Variants in ANKRD10 observed in about 807,000 individuals in gnomAD.
The protein encoded by ANKRD10 is ankyrin repeat domain 10, also known as ankyrin repeat domain-containing protein 10.
Under a neutral mutation model 27.0 loss-of-function variants are expected in ANKRD10, and 14 were observed. The observed-to-expected ratio is 0.52, with a 90% CI of 0.34 to 0.81. ANKRD10 has a LOEUF of 0.81. Among genes scored for constraint, ANKRD10 ranks in the 40% least tolerant of loss-of-function variants. The pLI is 0.01. For synonymous variants in ANKRD10, 250 were observed against 224.5 expected (o/e 1.11, Z -1.01); for missense variants, 493 against 544.0 (o/e 0.91, Z 0.93).
chr13:110,890,496 T>G (rs2138834077), intron 4 of ANKRD10, among the ~76,000 whole-genome samples: 1 of 152,300 alleles, frequency 6.6e-6, no homozygotes, highest in East Asian at 1.9e-4. Context: ...ATCTAAGGAC[T>G]GTCAACTACA....
At chr13:110,900,801 T>G in intron 3 of ANKRD10, 1 of 666,570 alleles carries the variant, frequency 1.5e-6, no homozygotes, top group Non-Finnish European at 2.3e-6. Flanking sequence ...AGGGATCACA[T>G]ATTTGCAGGC....
chr13:110,910,260 C>G (rs1187075918), intron 2 of ANKRD10, among the ~76,000 whole-genome samples: 5 of 152,170 alleles, frequency 3.3e-5, no homozygotes, highest in Non-Finnish European at 5.9e-5. Context: ...CATGCTTTTC[C>G]CAGGATGAAA....
chr13:110,912,703 T>C (rs934994530), intron 1 of ANKRD10, among the ~76,000 whole-genome samples: 14 of 152,230 alleles, frequency 9.2e-5, no homozygotes, highest in African/African-American at 2.4e-4. Context: ...GGTTAGGGGA[T>C]CTTGTGCACC....
chr13:110,879,883 T>C lies in ANKRD10; in HGVS notation c.1017A>G (p.Arg339=). Residue 339 remains arginine, a synonymous_variant, in exon 6 of 6, where the codon AGA becomes AGG. Coordinates refer to ENST00000267339, the MANE Select transcript of ANKRD10 (RefSeq NM_017664.4). ...GAGAACCGCACAACTCAGGGTTAGCTCTCAGGGTCTTCTCTGGCTCCTCAG... is the reference window on the plus strand; with the variant it reads ...GAGAACCGCACAACTCAGGGTTAGCCCTCAGGGTCTTCTCTGGCTCCTCAG... The part of the protein sequence containing the change: ...SGTEEPEKTL[R]ANPELCGSLH... 1 of 1,614,178 alleles carries C rather than the reference T, an allele frequency of 6.2e-7. No homozygotes were observed.
intron 1 of ANKRD10, among the ~76,000 whole-genome samples, chr13:110,911,069 G>C (rs900601653): frequency 1.3e-5 from 2 of 152,124 alleles, no homozygotes; most frequent in Non-Finnish European, 1.5e-5. Flanking sequence ...AGAAAATATT[G>C]GACTGCGCTG....
At chr13:110,892,169 T>C (rs1469287673) in intron 4 of ANKRD10, among the ~76,000 whole-genome samples, 1 of 150,126 alleles carries the variant, frequency 6.7e-6, no homozygotes, top group African/African-American at 2.4e-5. Flanking sequence ...CAGTGGCTCA[T>C]GCCTGTAATC....
At position 110,879,759 on chromosome 13, in the gene ANKRD10, C is replaced by A; in HGVS notation, c.1141G>T (p.Gly381Trp). Residue 381 changes from glycine (G) to tryptophan (W), a missense_variant, in exon 6 of 6, where the codon GGG becomes TGG. By Grantham distance (184) the Gly-to-Trp change is radical. Coordinates refer to ENST00000267339, the MANE Select transcript of ANKRD10 (RefSeq NM_017664.4). Reference sequence around the variant, plus strand: ...TCTGGGATGCTTTCAGCAGTGTCCCCAAACCCGTGGTAGTGTCCATAGTAC... The same window carrying A: ...TCTGGGATGCTTTCAGCAGTGTCCCAAAACCCGTGGTAGTGTCCATAGTAC... ...NLYYGHYHGF[G>W]DTAESIPELN... is the part of the protein sequence containing the mutation. 5 of 1,614,222 alleles carry A rather than the reference C, an allele frequency of 3.1e-6. No homozygotes were observed. The highest frequency in any genetic ancestry group is 4.2e-6 in the Non-Finnish European group (5 of 1,180,036).
intron 3 of ANKRD10, among the ~76,000 whole-genome samples, chr13:110,902,594 C>G (rs2138867321): frequency 6.6e-6 from 1 of 152,246 alleles, no homozygotes; most frequent in Admixed American, 6.5e-5. Flanking sequence ...GCTATCGATG[C>G]TTCTCAAGCT....
intron 3 of ANKRD10, chr13:110,900,782 TAAA>T: frequency 1.2e-6 from 1 of 866,286 alleles, no homozygotes; most frequent in Admixed American, 2.3e-5. Context: ...ACAGGAAACT[TAAA>T]TAATAAGGGA....
chr13:110,893,313 G>C (rs1355969433), intron 3 of ANKRD10, 50 bp from the exon 4 acceptor site: 16 of 1,569,586 alleles, frequency 1.0e-5, no homozygotes, highest in African/African-American at 1.4e-5. Context: ...TGCTAACCTG[G>C]TCTCTGCTCC....
intron 4 of ANKRD10, chr13:110,892,705 G>A: frequency 9.9e-7 from 1 of 1,005,538 alleles, no homozygotes; most frequent in South Asian, 4.6e-5. Context: ...AGGCACAGTG[G>A]CAGATTTTCT....
intron 4 of ANKRD10, among the ~76,000 whole-genome samples, chr13:110,889,659 TG>T (rs1429779121): frequency 6.6e-6 from 1 of 152,212 alleles, no homozygotes; most frequent in African/African-American, 2.4e-5. Context: ...CTACTTTTTG[TG>T]GGGAAGAATG....
chr13:110,888,801 G>A (rs780076374), intron 4 of ANKRD10, among the ~76,000 whole-genome samples: 2 of 152,104 alleles, frequency 1.3e-5, no homozygotes, highest in Admixed American at 6.5e-5. Context: ...TTTTCTGTAA[G>A]GTGTTTTTAT....
chr13:110,897,180 G>A (rs2065248900), intron 3 of ANKRD10, among the ~76,000 whole-genome samples: 1 of 151,848 alleles, frequency 6.6e-6, no homozygotes, highest in South Asian at 2.1e-4. Context: ...CAGCTGGAGT[G>A]CAGTGGCACA....
chr13:110,895,663 A>G (rs2065207465), intron 3 of ANKRD10, among the ~76,000 whole-genome samples: 1 of 152,244 alleles, frequency 6.6e-6, no homozygotes, highest in Non-Finnish European at 1.5e-5. Context: ...TGAAATTGTT[A>G]AAAGAACATC....
chr13:110,881,001 C>G (rs1271893971), intron 5 of ANKRD10, among the ~76,000 whole-genome samples: 1 of 152,196 alleles, frequency 6.6e-6, no homozygotes, highest in African/African-American at 2.4e-5. Flanking sequence ...AGACATCTAT[C>G]AGGAGGGAGA....
chr13:110,914,233 A>T (rs2065811715), intron 1 of ANKRD10, among the ~76,000 whole-genome samples: 1 of 152,120 alleles, frequency 6.6e-6, no homozygotes, highest in Non-Finnish European at 1.5e-5. Context: ...CGGAACCAGA[A>T]GGTCGACCGC....
At chr13:110,904,858 G>A (rs977430397) in intron 3 of ANKRD10, among the ~76,000 whole-genome samples, 3 of 152,168 alleles carry the variant, frequency 2.0e-5, no homozygotes, top group South Asian at 2.1e-4. Flanking sequence ...AACTAATGGC[G>A]AATCTTGCCA....
chr13:110,910,552 C>T (rs935957322), intron 2 of ANKRD10, 66 bp downstream of exon 2: 9 of 1,578,212 alleles, frequency 5.7e-6, no homozygotes, highest in Non-Finnish European at 7.8e-6. Flanking sequence ...AAAGCAATAC[C>T]GTGTATAATT....
Sources: gnomAD v4.1 joint callset for allele counts (sites outside exome capture counted in the v4.1 genomes callset) on GRCh38, gnomAD v4.1.1 for gene constraint, MANE v1.5 for transcripts, NCBI Gene and HGNC (gene_info 2026-07-23, HGNC 2026-07-21) for gene names.